The following RAB15 variants were observed in gnomAD, a reference collection of about 807,000 sequenced individuals.
The protein encoded by RAB15 is ras-related protein Rab-15.
A neutral mutation model predicts 31.8 loss-of-function variants in RAB15; 13 were observed. That is an observed-to-expected ratio of 0.41 (90% CI 0.27 to 0.65). The LOEUF (loss-of-function observed/expected upper bound fraction) is 0.65, where lower values mean the gene tolerates loss of function less well. RAB15 is among the 30% of genes least tolerant of loss of function. The probability of loss-of-function intolerance (pLI) is 0.32; values close to 1 mark genes in which losing one functional copy is unlikely to be tolerated. For missense variants in RAB15, 220 were observed against 277.3 expected, an observed-to-expected ratio of 0.79 and a Z score of 1.47; for synonymous variants, 100 against 105.6, an observed-to-expected ratio of 0.95 and a Z score of 0.33.
rs997581759 is a variant in RAB15 at position 64,962,616 on chromosome 14, A to G, written c.124+9337T>C. On this transcript the variant is annotated intron_variant, in intron 1 of 6. Coordinates refer to ENST00000533601, the MANE Select transcript of RAB15 (RefSeq NM_001308154.2). The surrounding 1 kb of genome is among the most constrained non-coding windows in gnomAD (Gnocchi z 4.2). ...TAAAGGAGGTAACATTTGAGCTGAG[A>G]CCTAAATGACAAGAAGGTGCCAGCA... 4.6e-5 allele frequency among the ~76,000 whole-genome samples: 7 copies of G among 152,194 alleles called. No individual in the cohort carries two copies. The highest frequency in any genetic ancestry group is 1.4e-4 in the African/African-American group (6 of 41,434).
chr14:64,952,547 A>G lies in RAB15; in HGVS notation c.149T>C (p.Ile50Thr), dbSNP rs1566843055. The change falls in exon 2 of 7, where the codon ATA becomes ACA. Residue 50 changes from isoleucine to threonine, a missense_variant. Physicochemically the swap from Ile to Thr is moderately conservative, Grantham distance 89. Coordinates refer to ENST00000533601, the MANE Select transcript of RAB15 (RefSeq NM_001308154.2). This position sits in a 1 kb window ranked among gnomAD's most constrained non-coding sequence, Gnocchi z 4.2. The stretch of plus-strand genomic sequence containing the variant: ...CCGCACTTTGATGCCGTCTACCTCT[A>G]TGGTCTTCATCTTAAAGTCAACACC... ...TIGVDFKMKT[I>T]EVDGIKVRIQ... 3 of 1,612,420 alleles carry G rather than the reference A, an allele frequency of 1.9e-6. No individual in the cohort carries two copies. The highest frequency in any genetic ancestry group is 1.7e-5 in the Admixed American group (1 of 59,972).
intron 1 of RAB15, among the ~76,000 whole-genome samples, chr14:64,957,437 C>T (rs1886637438): frequency 6.6e-6 from 1 of 152,114 alleles, no homozygotes; most frequent in Non-Finnish European, 1.5e-5. Flanking sequence ...CTGGCCCCTA[C>T]TAACCAGGTA....
chr14:64,956,724 C>T (rs943058018), intron 1 of RAB15, among the ~76,000 whole-genome samples: 2 of 151,968 alleles, frequency 1.3e-5, no homozygotes, highest in African/African-American at 4.8e-5. Flanking sequence ...CCTTGACGTG[C>T]CTAGACCTAC....
At chr14:64,960,876 G>A (rs776797901) in intron 1 of RAB15, among the ~76,000 whole-genome samples, 55 of 152,300 alleles carry the variant, frequency 3.6e-4, no homozygotes, top group Middle Eastern at 3.4e-3. Flanking sequence ...CCCCTGTGGG[G>A]CCCAGATGGC....
intron 1 of RAB15, among the ~76,000 whole-genome samples, chr14:64,957,688 C>T (rs1886650899): frequency 6.6e-6 from 1 of 152,174 alleles, no homozygotes; most frequent in Non-Finnish European, 1.5e-5. Flanking sequence ...AGCCAATTCT[C>T]ATGTTCCCAC....
In RAB15 at chr14:64,954,080, G is replaced by C; in HGVS notation, c.125-1509C>G. 1.0e-6 allele frequency: 1 copy of C among 985,400 alleles called. No homozygotes were observed. The highest frequency in any genetic ancestry group is 1.2e-6 in the Non-Finnish European group (1 of 829,932). The allele number at this position is 985,400 out of a possible 1,614,324, so 61.0% of individuals were successfully genotyped here. On this transcript the variant is annotated intron_variant, in intron 1 of 6. Transcript: ENST00000533601. The surrounding 1 kb of genome is among the most constrained non-coding windows in gnomAD (Gnocchi z 4.3). ...AAGACCAATCATCATTTAATTACAA[G>C]GGAAAAAAGATGCAGAACGGGCAAC... is the stretch of plus-strand genomic sequence containing the variant.
At chr14:64,960,756 T>G (rs1219483748) in intron 1 of RAB15, among the ~76,000 whole-genome samples, 1 of 152,108 alleles carries the variant, frequency 6.6e-6, no homozygotes, top group African/African-American at 2.4e-5. Flanking sequence ...GAAAGAGCTC[T>G]AGGATGTAGA....
At chr14:64,956,522 A>G (rs1466809253) in intron 1 of RAB15, among the ~76,000 whole-genome samples, 1 of 152,194 alleles carries the variant, frequency 6.6e-6, no homozygotes, top group African/African-American at 2.4e-5. Flanking sequence ...GGGTCCCGCA[A>G]TCAGTTTCAA....
At chr14:64,969,482 G>C (rs28705029) in intron 1 of RAB15, among the ~76,000 whole-genome samples, 1 of 152,206 alleles carries the variant, frequency 6.6e-6, no homozygotes, top group Non-Finnish European at 1.5e-5. Flanking sequence ...AAGCATTTAA[G>C]ATACCCAGTG....
Position 64,948,407 on chromosome 14 carries a change from C to T in RAB15, c.586G>A (p.Glu196Lys), listed in dbSNP as rs772162699. 1.2e-6 allele frequency: 2 copies of T among 1,613,042 alleles called. No individual in the cohort carries two copies. The highest frequency in any genetic ancestry group is 2.2e-5 in the East Asian group (1 of 44,870). Residue 196 changes from glutamate (E) to lysine (K), a missense_variant, in exon 7 of 7, where the codon GAG becomes AAG. Glu to Lys is a moderately conservative substitution (Grantham distance 56, BLOSUM62 1). Transcript: ENST00000533601. The surrounding 1 kb of genome is among the most constrained non-coding windows in gnomAD (Gnocchi z 7.0). ...NELALAELEE[E>K]EGKPEGPANS... ...GCTGGGCCCTCGGGTTTGCCCTCCT[C>T]CTCCTCCAGCTCTGCCAGTGCCAAC...
chr14:64,960,287 T>C lies in RAB15; in HGVS notation c.125-7716A>G, dbSNP rs572081228. ...CTTGGGTGGGCAAACAGGGAAAAAC[T>C]TGGTGCCTCCCCAGTACAGCAGTGG... is the stretch of plus-strand genomic sequence containing the variant. On this transcript the variant is annotated intron_variant, in intron 1 of 6. Transcript: ENST00000533601. Among the ~76,000 whole-genome samples, 4 of 152,248 alleles carry C rather than the reference T, an allele frequency of 2.6e-5. No homozygotes were observed. In the South Asian group the frequency reaches 8.3e-4, roughly 32 times the overall value.
rs10706394 is a variant in RAB15, at chr14:64,967,585, C to CAA, written c.124+4366_124+4367dup. On this transcript the variant is annotated intron_variant, in intron 1 of 6. Coordinates refer to ENST00000533601, the MANE Select transcript of RAB15 (RefSeq NM_001308154.2). The stretch of plus-strand genomic sequence containing the variant: ...TGGGTGACAGAGTGAAACCTAGTCT[C>CAA]AAAAAAAAAAAAATAGAAAAGAAAA... Among the ~76,000 whole-genome samples the CAA allele has an allele frequency of 2.9e-4, 42 of 143,574 alleles. 2 individuals carry two copies. Among genetic ancestry groups the CAA allele is most frequent in the South Asian group, 2.0e-3 (9 of 4,464 alleles). The allele number at this position is 143,574 out of a possible 152,430, so 94.2% of individuals were successfully genotyped here.
chr14:64,954,752 G>C lies in RAB15; in HGVS notation c.125-2181C>G, dbSNP rs1429593551. Among the ~76,000 whole-genome samples, 1 of 152,226 alleles carries C rather than the reference G, an allele frequency of 6.6e-6. No individual in the cohort carries two copies. Among genetic ancestry groups the C allele is most frequent in the Non-Finnish European group, 1.5e-5 (1 of 68,048 alleles). ...TGCTGGAACCCACGCTGCCCCTTGC[G>C]CTGGTTCTTAGGGAAGCAAGAGGAG... On this transcript the variant is annotated intron_variant, in intron 1 of 6. Transcript: ENST00000533601. The surrounding 1 kb of genome is among the most constrained non-coding windows in gnomAD (Gnocchi z 4.3).
intron 1 of RAB15, among the ~76,000 whole-genome samples, chr14:64,956,506 G>T (rs1268875467): frequency 6.6e-6 from 1 of 152,076 alleles, no homozygotes; most frequent in East Asian, 1.9e-4. Flanking sequence ...AGGCCCTCTA[G>T]GTATGGGGTC....
rs1402012962 is a variant in RAB15, at chr14:64,958,473, C to T, written c.125-5902G>A. 6.6e-6 allele frequency among the ~76,000 whole-genome samples: 1 copy of T among 152,204 alleles called. No individual in the cohort carries two copies. Among genetic ancestry groups the T allele is most frequent in the African/African-American group, 2.4e-5 (1 of 41,452 alleles). On this transcript the variant is annotated intron_variant, in intron 1 of 6. Transcript: ENST00000533601. The surrounding 1 kb of genome is among the most constrained non-coding windows in gnomAD (Gnocchi z 4.4). ...GGCACCCTGATCTTGGACTTCCCAG[C>T]CTCCCAAACTCTGAGCAATACATTT... is the stretch of plus-strand genomic sequence containing the variant.
intron 1 of RAB15, among the ~76,000 whole-genome samples, chr14:64,961,838 C>T (rs1413608180): frequency 6.6e-6 from 1 of 151,704 alleles, no homozygotes; most frequent in Admixed American, 6.6e-5. Flanking sequence ...GGACCTGAGG[C>T]CAGGAGGTTG....
chr14:64,950,577 A>T lies in RAB15; in HGVS notation c.325-163T>A. ...CAGGCTCCCCCAAGTGCCATGGCTG[A>T]CCTCAAGGGTATCACGGGGAGAGCT... On this transcript the variant is annotated intron_variant, in intron 4 of 6. Coordinates refer to ENST00000533601, the MANE Select transcript of RAB15 (RefSeq NM_001308154.2). This position sits in a 1 kb window ranked among gnomAD's most constrained non-coding sequence, Gnocchi z 5.6. 1.5e-6 allele frequency: 1 copy of T among 683,952 alleles called. No homozygotes were observed. The highest frequency in any genetic ancestry group is 2.6e-6 in the Non-Finnish European group (1 of 381,810). The allele number at this position is 683,952 out of a possible 1,614,324, so 42.4% of individuals were successfully genotyped here.
In RAB15 at chr14:64,968,591, G is replaced by A. The variant is rs561307157; in HGVS notation, c.124+3362C>T. Among the ~76,000 whole-genome samples the A allele has an allele frequency of 1.1e-4, 16 of 152,314 alleles. No individual in the cohort carries two copies. Among genetic ancestry groups the A allele is most frequent in the African/African-American group, 2.9e-4 (12 of 41,578 alleles). ...TTACATTTGAAGAGTGATTCACCAAGTTCTTTCAGATATCTCATTTTGGCA... is the reference window on the plus strand; with the variant it reads ...TTACATTTGAAGAGTGATTCACCAAATTCTTTCAGATATCTCATTTTGGCA... On this transcript the variant is annotated intron_variant, in intron 1 of 6. Transcript: ENST00000533601. The surrounding 1 kb of genome is among the most constrained non-coding windows in gnomAD (Gnocchi z 4.9).
Position 64,950,992 on chromosome 14 carries a change from T to C in RAB15, c.324+82A>G. The C allele has an allele frequency of 1.2e-6, 2 of 1,614,032 alleles. No individual in the cohort carries two copies. The highest frequency in any genetic ancestry group is 1.3e-5 in the African/African-American group (1 of 75,020). On this transcript the variant is annotated intron_variant, in intron 4 of 6. Transcript: ENST00000533601. This position sits in a 1 kb window ranked among gnomAD's most constrained non-coding sequence, Gnocchi z 5.6. ...GGAAGGCAAAGCTTCCTGGAAGCAT[T>C]TGCCTTCCCATCTGGCCCTCGCCTT...
Sources: allele counts gnomAD v4.1 joint callset (sites outside exome capture counted in the v4.1 genomes callset), GRCh38; gene constraint gnomAD v4.1.1; non-coding constraint Gnocchi (gnomAD v3.1); transcripts MANE v1.5; gene names NCBI Gene and HGNC (gene_info 2026-07-23, HGNC 2026-07-21).